Variants in ATG7 observed in about 807,000 individuals in gnomAD.
The protein encoded by ATG7 is autophagy related 7, also known as ubiquitin-like modifier-activating enzyme ATG7.
Under a neutral mutation model 82.4 loss-of-function variants are expected in ATG7, and 70 were observed. The ratio of observed to expected loss-of-function variants is 0.85; its 90% CI spans 0.70 to 1.04. The LOEUF (loss-of-function observed/expected upper bound fraction) is 1.04. Ranked by LOEUF, ATG7 falls within the 50% of genes least tolerant of loss-of-function variation. The pLI, the probability that ATG7 is intolerant of heterozygous loss-of-function variation, is 0.00. For missense variants in ATG7, 792 were observed against 864.3 expected (o/e 0.92, Z 1.05); for synonymous variants, 287 against 313.0 (o/e 0.92, Z 0.88).
intron 19 of ATG7, among the ~76,000 whole-genome samples, chr3:11,399,738 C>T (rs2079642403): frequency 6.6e-6 from 1 of 152,184 alleles, no homozygotes; most frequent in African/African-American, 2.4e-5. Flanking sequence ...CCATGCCCAG[C>T]TAATTTTTTA....
rs193157668 is a variant in ATG7, at chr3:11,417,470, T to C, written c.1957-9334T>C. 1.2e-4 allele frequency among the ~76,000 whole-genome samples: 19 copies of C among 152,342 alleles called. 1 individual carries two copies. Among genetic ancestry groups the C allele is most frequent in the South Asian group, 4.1e-4 (2 of 4,828 alleles). On this transcript the variant is annotated intron_variant, in intron 19 of 20. Coordinates refer to ENST00000693202, the MANE Select transcript of ATG7 (RefSeq NM_001349232.2). ...TATTTGCTTTGAAGTCTGTTCTATCTGAAATTAATTCAGATACTTCTACTT... is the reference window on the plus strand; with the variant it reads ...TATTTGCTTTGAAGTCTGTTCTATCCGAAATTAATTCAGATACTTCTACTT...
chr3:11,548,879 C>T (rs2071521848), intron 20 of ATG7, among the ~76,000 whole-genome samples: 1 of 152,196 alleles, frequency 6.6e-6, no homozygotes, highest in Non-Finnish European at 1.5e-5. Flanking sequence ...GGACAGACTC[C>T]TAAAAGTGAG....
the ATG7 span, among the ~76,000 whole-genome samples, chr3:11,562,817 C>T: frequency 1.2e-4 from 19 of 152,366 alleles, no homozygotes; most frequent in East Asian, 3.3e-3. Context: ...TGGGGTACCC[C>T]GTGGCCCCTG....
chr3:11,420,335 A>T (rs2081817835), intron 19 of ATG7, among the ~76,000 whole-genome samples: 1 of 152,156 alleles, frequency 6.6e-6, no homozygotes, highest in African/African-American at 2.4e-5. Context: ...CATCCTCATT[A>T]TGGAGGAGGC....
intron 20 of ATG7, among the ~76,000 whole-genome samples, chr3:11,535,472 A>G (rs2092772881): frequency 6.6e-6 from 1 of 152,178 alleles, no homozygotes; most frequent in African/African-American, 2.4e-5. Flanking sequence ...CACAGGGGCC[A>G]GGCAGGTCTC....
Position 11,360,658 on chromosome 3 carries a change from A to C in ATG7, c.1557A>C (p.Gly519=). 6.2e-7 allele frequency: 1 copy of C among 1,614,146 alleles called. No individual in the cohort carries two copies. The highest frequency in any genetic ancestry group is 8.5e-7 in the Non-Finnish European group (1 of 1,180,020). ...GTCTGAAGAAACCAAAGCAGCAAGGAGCTGGGGACTTGTGTCCAAACCACC... is the reference window on the plus strand; with the variant it reads ...GTCTGAAGAAACCAAAGCAGCAAGGCGCTGGGGACTTGTGTCCAAACCACC... ...RHGLKKPKQQ[G]AGDLCPNHPV... Residue 519 remains glycine (G), a synonymous_variant, in exon 16 of 21, where the codon GGA becomes GGC. Coordinates refer to ENST00000693202, the MANE Select transcript of ATG7 (RefSeq NM_001349232.2).
At chr3:11,374,628 A>T (rs544165809) in intron 18 of ATG7, among the ~76,000 whole-genome samples, 4 of 152,280 alleles carry the variant, frequency 2.6e-5, no homozygotes, top group African/African-American at 4.8e-5. Flanking sequence ...CAAAAAGTCC[A>T]TGTGTGGTGG....
At chr3:11,397,023 G>GA (rs1171563442) in intron 19 of ATG7, among the ~76,000 whole-genome samples, 1 of 151,708 alleles carries the variant, frequency 6.6e-6, no homozygotes, top group African/African-American at 2.4e-5. Flanking sequence ...TTTAAAGGAA[G>GA]AAAAAAACAA....
chr3:11,321,271 T>C (rs1950182428), intron 9 of ATG7, among the ~76,000 whole-genome samples: 2 of 152,192 alleles, frequency 1.3e-5, no homozygotes, highest in Admixed American at 1.3e-4. Flanking sequence ...GAGTCCTCTT[T>C]GTTCCAAGTC....
intron 19 of ATG7, among the ~76,000 whole-genome samples, chr3:11,392,498 C>T (rs1184461847): frequency 2.7e-5 from 4 of 150,350 alleles, no homozygotes; most frequent in Non-Finnish European, 5.9e-5. Flanking sequence ...AACAAAAAAA[C>T]AAAAGCTTAG....
intron 18 of ATG7, among the ~76,000 whole-genome samples, chr3:11,376,307 T>TAA (rs957339760): frequency 6.6e-6 from 1 of 152,244 alleles, no homozygotes; most frequent in African/African-American, 2.4e-5. Flanking sequence ...CTGTACAGTT[T>TAA]AAAAGATGAA....
chr3:11,515,326 CAG>C (rs2092242491), intron 20 of ATG7, among the ~76,000 whole-genome samples: 1 of 84,902 alleles, frequency 1.2e-5, no homozygotes, highest in Non-Finnish European at 2.5e-5. Flanking sequence ...ATTTTTGAGA[CAG>C]AGTCTCGCTC....
intron 20 of ATG7, among the ~76,000 whole-genome samples, chr3:11,489,271 G>C (rs1274891293): frequency 6.6e-6 from 1 of 152,188 alleles, no homozygotes; most frequent in African/African-American, 2.4e-5. Flanking sequence ...TTGCGTAGAG[G>C]TGTTTGTAGT....
intron 13 of ATG7, among the ~76,000 whole-genome samples, chr3:11,344,522 C>G (rs1488953752): frequency 6.6e-6 from 1 of 152,108 alleles, no homozygotes; most frequent in Non-Finnish European, 1.5e-5. Flanking sequence ...TACGTGGTAT[C>G]TTATTCTTCT....
chr3:11,558,354 TATC>T (rs2072627835), downstream of ATG7: 1 of 785,596 alleles, frequency 1.3e-6, no homozygotes, highest in African/African-American at 1.7e-5. Flanking sequence ...TAGTTCCTGC[TATC>T]ATGTTTGAGG....
chr3:11,349,462 A>G lies in ATG7; in HGVS notation c.1284+1427A>G, dbSNP rs112667475. The stretch of plus-strand genomic sequence containing the variant: ...TGAAACAAAAGGATTGCTTGAGCCT[A>G]GGTGGTCAAGGCTGCAGATTTTGAG... On this transcript the variant is annotated intron_variant, in intron 14 of 20. Coordinates refer to ENST00000693202, the MANE Select transcript of ATG7 (RefSeq NM_001349232.2). Among the ~76,000 whole-genome samples, 153 of 152,264 alleles carry G rather than the reference A, an allele frequency of 1.0e-3. 1 individual carries two copies. Among genetic ancestry groups the G allele is most frequent in the African/African-American group, 3.3e-3 (138 of 41,542 alleles).
chr3:11,484,727 T>C (rs1432690603), intron 20 of ATG7, among the ~76,000 whole-genome samples: 1 of 152,190 alleles, frequency 6.6e-6, no homozygotes, highest in Non-Finnish European at 1.5e-5. Flanking sequence ...CAGAGTGTGA[T>C]GTTCCCCTTC....
At chr3:11,572,207 G>A in the ATG7 span, among the ~76,000 whole-genome samples, 1 of 152,154 alleles carries the variant, frequency 6.6e-6, no homozygotes, top group Non-Finnish European at 1.5e-5. Flanking sequence ...TCATATGCTA[G>A]ACCTCATCTT....
chr3:11,408,979 A>AT (rs1173288836), intron 19 of ATG7, among the ~76,000 whole-genome samples: 2 of 152,244 alleles, frequency 1.3e-5, no homozygotes, highest in East Asian at 3.9e-4. Flanking sequence ...TCTTTGGCTC[A>AT]TTTTTTAATT....
Sources: allele counts gnomAD v4.1 joint callset (sites outside exome capture counted in the v4.1 genomes callset), GRCh38; gene constraint gnomAD v4.1.1; transcripts MANE v1.5; gene names NCBI Gene and HGNC (gene_info 2026-07-23, HGNC 2026-07-21).